CHAT: variants seen among roughly 807,000 people sequenced by gnomAD.
CHAT encodes the protein acetyl CoA:choline O-acetyltransferase.
In CHAT, 61 loss-of-function variants were observed where a neutral mutation model predicts 76.9. The ratio of observed to expected loss-of-function variants is 0.79; its 90% CI spans 0.65 to 0.98. The LOEUF is 0.98. CHAT is among the 50% of genes least tolerant of loss of function. The pLI is 0.00. For missense variants in CHAT, 946 were observed against 986.9 expected (o/e 0.96, Z 0.56); for synonymous variants, 407 against 397.4 (o/e 1.02, Z -0.29).
upstream of CHAT, chr10:49,612,112 G>T (rs753705874): frequency 6.2e-7 from 1 of 1,612,364 alleles, no homozygotes; most frequent in Non-Finnish European, 8.5e-7. Flanking sequence ...CATGGGACTG[G>T]CCAACCTGCT....
Position 49,655,102 on chromosome 10 carries a change from C to T in CHAT, c.1642C>T (p.Arg548Ter), listed in dbSNP as rs369251527. 5.5e-5 allele frequency: 89 copies of T among 1,614,016 alleles called. No homozygotes were observed. Among genetic ancestry groups the T allele is most frequent in the Non-Finnish European group, 6.7e-5 (79 of 1,180,018 alleles). The change falls in exon 12 of 15, where the codon CGA becomes TGA. Residue 548 changes from arginine to a stop codon, truncating the protein, a stop_gained. Coordinates refer to ENST00000337653, the MANE Select transcript of CHAT (RefSeq NM_020549.5). LOFTEE classifies it high-confidence loss of function. Reference protein sequence around the residue: ...ALQLAFYRLHRRLVPTYESAS... With the variant: ...ALQLAFYRLH ...ATCCTTCATCCCACGCAGGCTCCAT[C>T]GAAGACTGGTGCCCACCTACGAGAG...
At chr10:49,655,284 G>A (rs1839999792) in intron 12 of CHAT, 48 bp downstream of exon 12, 1 of 1,613,822 alleles carries the variant, frequency 6.2e-7, no homozygotes, top group African/African-American at 1.3e-5. Flanking sequence ...TGAGGCTGCT[G>A]TGGTTGCCCT....
At chr10:49,642,332 C>A (rs7895569) in intron 7 of CHAT, among the ~76,000 whole-genome samples, 1 of 152,232 alleles carries the variant, frequency 6.6e-6, no homozygotes, top group Non-Finnish European at 1.5e-5. Context: ...TGATCAGCTA[C>A]TTATATGCAG....
At chr10:49,615,351 G>T (rs554681934) in intron 1 of CHAT, among the ~76,000 whole-genome samples, 1 of 152,218 alleles carries the variant, frequency 6.6e-6, no homozygotes, top group African/African-American at 2.4e-5. Context: ...ACTGGGAGGC[G>T]TGGGAACAAG....
At position 49,646,395 on chromosome 10, in the gene CHAT, C is replaced by T. The variant is rs3793793; in HGVS notation, c.1112-110C>T. The T allele has an allele frequency of 0.02, 27,275 of 1,395,866 alleles. 2,199 individuals carry two copies. In the East Asian group the frequency reaches 0.22, roughly 11 times the overall value. 86.5% of individuals were successfully genotyped at this position (1,395,866 alleles called of 1,614,324 possible). A position where few individuals can be genotyped will look rare whatever the true frequency, so the allele number is the denominator to read the frequency against. On this transcript the variant is annotated intron_variant, in intron 7 of 14. Transcript: ENST00000337653. Reference sequence around the variant, plus strand: ...GTCAGGGCTGGCTCAAGACCTGGGTCTTGTTGTGATCCCAGAAGACAGGGC... The same window carrying T: ...GTCAGGGCTGGCTCAAGACCTGGGTTTTGTTGTGATCCCAGAAGACAGGGC...
intron 7 of CHAT, among the ~76,000 whole-genome samples, chr10:49,638,313 A>G (rs1839361914): frequency 6.6e-6 from 1 of 152,098 alleles, no homozygotes; most frequent in Admixed American, 6.5e-5. Flanking sequence ...TTTACTTATA[A>G]CCAAACTATA....
rs1839892867 is a variant in CHAT at position 49,651,919 on chromosome 10, T to A, written c.1547T>A (p.Phe516Tyr). 10 of 1,614,016 alleles carry A rather than the reference T, an allele frequency of 6.2e-6. No individual in the cohort carries two copies. In the South Asian group the frequency reaches 1.1e-4, roughly 18 times the overall value. The change falls in exon 11 of 15, where the codon TTT (phenylalanine) becomes TAT (tyrosine). Residue 516 changes from phenylalanine to tyrosine, a missense_variant. Phe to Tyr is a conservative substitution (Grantham distance 22). This residue lies in a region of CHAT where 349 missense variants were observed against 393.9 expected (regional missense o/e 0.89). Transcript: ENST00000337653. Reference protein sequence around the residue: ...VKNLDFIVYKFDNYGKTFIKK... With the variant: ...VKNLDFIVYKYDNYGKTFIKK... The stretch of plus-strand genomic sequence containing the variant: ...AACCTTGACTTCATTGTCTATAAGT[T>A]TGACAACTATGGGAAAACATTCATT...
At chr10:49,616,767 G>A (rs1175092242) in intron 2 of CHAT, among the ~76,000 whole-genome samples, 165 bp downstream of exon 2, 2 of 152,198 alleles carry the variant, frequency 1.3e-5, no homozygotes, top group Non-Finnish European at 2.9e-5. Context: ...GCTTGCTGAG[G>A]ATCCCAGAAG....
intron 7 of CHAT, among the ~76,000 whole-genome samples, chr10:49,639,540 TACACAC>T (rs3050615): frequency 0.55 from 80,540 of 147,510 alleles, 22,041 homozygotes; most frequent in Middle Eastern, 0.63. Context: ...AGTATATATA[TACACAC>T]ACACACACAC....
Position 49,648,576 on chromosome 10 carries a change from G to C in CHAT, c.1351G>C (p.Val451Leu), listed in dbSNP as rs779466347. 6.2e-7 allele frequency: 1 copy of C among 1,613,736 alleles called. No individual in the cohort carries two copies. The highest frequency in any genetic ancestry group is 1.3e-5 in the African/African-American group (1 of 74,902). Residue 451 changes from valine to leucine, a missense_variant, in exon 9 of 15, where the codon GTG becomes CTG. Val to Leu is a conservative substitution (Grantham distance 32). Transcript: ENST00000337653. Reference sequence around the variant, plus strand: ...CTCCCCATTCGATGGCATCGTCCTGGTGCAGTGCACTGAGCATCTGCTCAA... The same window carrying C: ...CTCCCCATTCGATGGCATCGTCCTGCTGCAGTGCACTGAGCATCTGCTCAA... ...EHSPFDGIVL[V>L]QCTEHLLKHV...
intron 13 of CHAT, among the ~76,000 whole-genome samples, chr10:49,659,808 G>A (rs2132845132): frequency 6.6e-6 from 1 of 152,200 alleles, no homozygotes; most frequent in South Asian, 2.1e-4. Flanking sequence ...GTTGCAGTCA[G>A]CCGAGATCAC....
intron 13 of CHAT, among the ~76,000 whole-genome samples, chr10:49,656,044 ATCAATACCTGCATTGCAAGTCAT>A (rs1382169640): frequency 6.6e-6 from 1 of 152,254 alleles, no homozygotes; most frequent in Non-Finnish European, 1.5e-5. Context: ...TGGGCGGCTC[ATCAATACCTGCATTGCAAGTCAT>A]TCTAATACAG....
chr10:49,610,918 T>C (rs1338016577), upstream of CHAT: 1 of 1,611,684 alleles, frequency 6.2e-7, no homozygotes, highest in Non-Finnish European at 8.5e-7. Flanking sequence ...AGTGCCCGAC[T>C]ACATCGCCCA....
chr10:49,617,821 C>G (rs1838554240), intron 2 of CHAT, among the ~76,000 whole-genome samples: 1 of 152,168 alleles, frequency 6.6e-6, no homozygotes, highest in African/African-American at 2.4e-5. Context: ...GCAGGGCAGT[C>G]TGGGATGCTG....
intron 1 of CHAT, 22 bp from the exon 2 acceptor site, chr10:49,616,480 C>T: frequency 6.3e-7 from 1 of 1,578,560 alleles, no homozygotes; most frequent in African/African-American, 1.3e-5. Flanking sequence ...TGTGTTGATG[C>T]TTCCCACTTC....
upstream of CHAT, chr10:49,611,670 C>A: frequency 6.2e-7 from 1 of 1,611,470 alleles, no homozygotes. Context: ...TCCTCGAACC[C>A]ACCATTGCCA....
At chr10:49,636,005 TTATG>T (rs771803647) in intron 7 of CHAT, among the ~76,000 whole-genome samples, 222 of 152,290 alleles carry the variant, frequency 1.5e-3, no homozygotes, top group Non-Finnish European at 2.6e-3. Flanking sequence ...TATGAAATGA[TTATG>T]TATGTAGAAA....
In CHAT at chr10:49,665,282, C is replaced by A. The variant is rs1590631579; in HGVS notation, c.*236C>A. Among the ~76,000 whole-genome samples the A allele has an allele frequency of 6.6e-6, 1 of 152,166 alleles. No homozygotes were observed. Among genetic ancestry groups the A allele is most frequent in the South Asian group, 2.1e-4 (1 of 4,826 alleles). ...TGGGCCTGCACACTGGGAAATGGGA[C>A]CTGCCTGGCTCAGAGGCAGCCTGGA... On this transcript the variant is annotated 3_prime_UTR_variant, in exon 15 of 15. Coordinates refer to ENST00000337653, the MANE Select transcript of CHAT (RefSeq NM_020549.5).
At chr10:49,631,227 A>AGG (rs1416669659) in intron 7 of CHAT, among the ~76,000 whole-genome samples, 2 of 152,196 alleles carry the variant, frequency 1.3e-5, no homozygotes, top group African/African-American at 4.8e-5. Flanking sequence ...AAAGTACCAC[A>AGG]GACTGGGAGG....
Sources: allele counts gnomAD v4.1 joint callset (sites outside exome capture counted in the v4.1 genomes callset), GRCh38; gene constraint gnomAD v4.1.1; regional missense constraint gnomAD v4.1.1; transcripts MANE v1.5; gene names NCBI Gene and HGNC (gene_info 2026-07-23, HGNC 2026-07-21).